FCF1: variants seen among roughly 807,000 people sequenced by gnomAD.
FCF1 encodes FCF1 rRNA-processing protein, also known as rRNA-processing protein FCF1 homolog.
FCF1 carries 17 observed loss-of-function variants against 32.5 expected under a neutral mutation model. The ratio of observed to expected loss-of-function variants is 0.52; its 90% CI spans 0.36 to 0.78. The LOEUF (loss-of-function observed/expected upper bound fraction) is 0.78. Ranked by LOEUF, FCF1 falls within the 30% of genes least tolerant of loss-of-function variation. The probability of loss-of-function intolerance (pLI) is 0.00; values close to 1 mark genes in which losing one functional copy is unlikely to be tolerated. For missense variants in FCF1, 201 were observed against 241.1 expected, an observed-to-expected ratio of 0.83 and a Z score of 1.10; for synonymous variants, 84 against 78.4, an observed-to-expected ratio of 1.07 and a Z score of -0.38.
intron 6 of FCF1, among the ~76,000 whole-genome samples, chr14:74,733,021 T>A (rs1438021858): frequency 6.6e-6 from 1 of 152,132 alleles, no homozygotes; most frequent in East Asian, 1.9e-4. Flanking sequence ...ACTCTAACCA[T>A]AATGGAAAGA....
rs778267085 is a variant in FCF1, at chr14:74,714,918, C to T, written c.118C>T (p.Pro40Ser). ...LKPKKKEKKD[P>S]SALKEREVPQ... ...ACCTAAAAAGAAAGAAAAGAAGGATCCCAGCGCATTAAAGGAAAGAGAAGT... is the reference window on the plus strand; with the variant it reads ...ACCTAAAAAGAAAGAAAAGAAGGATTCCAGCGCATTAAAGGAAAGAGAAGT... Residue 40 changes from proline to serine, a missense_variant, in exon 3 of 8, where the codon CCC becomes TCC. This residue lies in a region of FCF1 where 76 missense variants were observed against 75.0 expected (regional missense o/e 1.01). Transcript: ENST00000341162. 2.5e-6 allele frequency: 4 copies of T among 1,597,432 alleles called. No individual in the cohort carries two copies. The highest frequency in any genetic ancestry group is 2.2e-5 in the East Asian group (1 of 44,514).
intron 4 of FCF1, among the ~76,000 whole-genome samples, chr14:74,716,890 A>G (rs572526703): frequency 6.6e-6 from 1 of 152,348 alleles, no homozygotes; most frequent in Non-Finnish European, 1.5e-5. Context: ...TTTAAAGGCT[A>G]CTATATAATG....
chr14:74,727,236 GT>G (rs1425741035), intron 5 of FCF1, among the ~76,000 whole-genome samples: 1 of 152,132 alleles, frequency 6.6e-6, no homozygotes, highest in African/African-American at 2.4e-5. Flanking sequence ...GTGTAAAAGT[GT>G]TCCTATTTCT....
rs1378651762 is a variant in FCF1 at position 74,723,489 on chromosome 14, T to A, written c.365+145T>A. On this transcript the variant is annotated intron_variant, in intron 5 of 7. Coordinates refer to ENST00000341162, the MANE Select transcript of FCF1 (RefSeq NM_015962.5). ...TGGGGGGGTTGTTTTGGTCTTTCTC[T>A]CACACAAAAATCAGTTCCAGTTAGA... The A allele has an allele frequency of 6.1e-5, 36 of 594,000 alleles. No individual in the cohort carries two copies. The Admixed American group carries it at 1.2e-3, about 20-fold the overall frequency. 36.8% of individuals were successfully genotyped at this position (594,000 alleles called of 1,614,324 possible). A position where few individuals can be genotyped will look rare whatever the true frequency, so the allele number is the denominator to read the frequency against.
intron 4 of FCF1, among the ~76,000 whole-genome samples, chr14:74,721,447 T>A (rs1249958918): frequency 6.6e-6 from 1 of 152,192 alleles, no homozygotes; most frequent in Non-Finnish European, 1.5e-5. Context: ...ACGCCTATAA[T>A]CCCATCATTT....
Position 74,723,348 on chromosome 14 carries a change from G to A in FCF1, c.365+4G>A. On this transcript the variant is annotated splice_donor_region_variant and intron_variant, in intron 5 of 7. Coordinates refer to ENST00000341162, the MANE Select transcript of FCF1 (RefSeq NM_015962.5). ...AGAAGTATCGAGTGGCTCTAAGGTA[G>A]GAAGGAGGTAAACTAGATCTGTTCT... 1 of 1,607,632 alleles carries A rather than the reference G, an allele frequency of 6.2e-7. No individual in the cohort carries two copies. Among genetic ancestry groups the A allele is most frequent in the Non-Finnish European group, 8.5e-7 (1 of 1,174,490 alleles).
chr14:74,727,676 C>T (rs2090591913), intron 5 of FCF1, among the ~76,000 whole-genome samples: 1 of 152,098 alleles, frequency 6.6e-6, no homozygotes, highest in African/African-American at 2.4e-5. Flanking sequence ...ACATGAAGTC[C>T]TTGCCCATGC....
chr14:74,714,399 CTCCATTAATAATAATTTCTT>C (rs1396453284), intron 2 of FCF1, among the ~76,000 whole-genome samples: 7 of 152,194 alleles, frequency 4.6e-5, no homozygotes, highest in Non-Finnish European at 1.0e-4. Context: ...AGGAATGACA[CTCCATTAATAATAATTTCTT>C]TCTAGTTAAG....
intron 5 of FCF1, among the ~76,000 whole-genome samples, chr14:74,730,216 T>G (rs1016421211): frequency 2.7e-5 from 4 of 146,710 alleles, no homozygotes; most frequent in African/African-American, 1.1e-4. Flanking sequence ...CTTTTTTTTT[T>G]TTTTTTTTTT....
chr14:74,727,635 G>T (rs1464163221), intron 5 of FCF1, among the ~76,000 whole-genome samples: 2 of 151,870 alleles, frequency 1.3e-5, no homozygotes, highest in East Asian at 1.9e-4. Flanking sequence ...GTCAATTTTG[G>T]CTTTTGTTGC....
chr14:74,718,846 A>G (rs890271125), intron 4 of FCF1, among the ~76,000 whole-genome samples: 7 of 152,082 alleles, frequency 4.6e-5, no homozygotes, highest in African/African-American at 1.7e-4. Flanking sequence ...ACGAGACCCC[A>G]TGTCTACACA....
intron 4 of FCF1, among the ~76,000 whole-genome samples, chr14:74,719,197 A>G (rs867889508): frequency 1.5e-4 from 22 of 150,206 alleles, no homozygotes; most frequent in Middle Eastern, 7.0e-3. Flanking sequence ...ACAGATGCTC[A>G]GGTGGGAGGA....
intron 4 of FCF1, among the ~76,000 whole-genome samples, chr14:74,721,679 C>CA (rs1205182954): frequency 2.0e-5 from 3 of 149,788 alleles, no homozygotes; most frequent in South Asian, 2.1e-4. Flanking sequence ...AGTGAGACTT[C>CA]AAAAAAAAAT....
chr14:74,723,562 C>T (rs980407185), intron 5 of FCF1, among the ~76,000 whole-genome samples: 6 of 152,094 alleles, frequency 3.9e-5, no homozygotes, highest in Non-Finnish European at 7.4e-5. Context: ...TGTCCGGGCT[C>T]GGTGGCCTGT....
Position 74,713,371 on chromosome 14 carries a change from G to A in FCF1, c.4-114G>A, listed in dbSNP as rs912014126. 7.8e-6 allele frequency: 12 copies of A among 1,544,892 alleles called. No individual in the cohort carries two copies. The Admixed American group carries it at 2.2e-4, about 29-fold the overall frequency. On this transcript the variant is annotated intron_variant, in intron 1 of 7. Transcript: ENST00000341162. ...CTGTTATGCTTTACAGAGTGGGGAA[G>A]AGGGTCTGGGTTATTTGAGGCAAGA...
intron 1 of FCF1, 101 bp downstream of exon 1, chr14:74,713,301 A>T (rs540790044): frequency 1.2e-6 from 2 of 1,612,354 alleles, no homozygotes; most frequent in African/African-American, 2.7e-5. Context: ...TTATCCTAGC[A>T]TATTTTCATT....
Position 74,716,108 on chromosome 14 carries a change from C to T in FCF1, c.292+9C>T, listed in dbSNP as rs754194935. 1 of 1,611,898 alleles carries T rather than the reference C, an allele frequency of 6.2e-7. No individual in the cohort carries two copies. The highest frequency in any genetic ancestry group is 1.7e-5 in the Admixed American group (1 of 59,956). On this transcript the variant is annotated intron_variant, in intron 4 of 7. Coordinates refer to ENST00000341162, the MANE Select transcript of FCF1 (RefSeq NM_015962.5). Reference sequence around the variant, plus strand: ...CTGTCTGTATGCCAAGTGTGAGTATCATACTTTTATGTTTCCGTGACATTT... The same window carrying T: ...CTGTCTGTATGCCAAGTGTGAGTATTATACTTTTATGTTTCCGTGACATTT...
chr14:74,716,108 C>A lies in FCF1; in HGVS notation c.292+9C>A. ...CTGTCTGTATGCCAAGTGTGAGTAT[C>A]ATACTTTTATGTTTCCGTGACATTT... On this transcript the variant is annotated intron_variant, in intron 4 of 7. Coordinates refer to ENST00000341162, the MANE Select transcript of FCF1 (RefSeq NM_015962.5). 6.2e-7 allele frequency: 1 copy of A among 1,611,898 alleles called. No individual in the cohort carries two copies. Among genetic ancestry groups the A allele is most frequent in the Non-Finnish European group, 8.5e-7 (1 of 1,178,166 alleles).
intron 4 of FCF1, among the ~76,000 whole-genome samples, chr14:74,718,529 A>G (rs1217778827): frequency 6.6e-6 from 1 of 151,832 alleles, no homozygotes. Context: ...GCTGGAGTAC[A>G]GTGGGGTGAT....
Sources: gnomAD v4.1 joint callset for allele counts (sites outside exome capture counted in the v4.1 genomes callset) on GRCh38, gnomAD v4.1.1 for gene constraint, gnomAD v4.1.1 regional missense constraint, MANE v1.5 for transcripts, NCBI Gene and HGNC (gene_info 2026-07-23, HGNC 2026-07-21) for gene names.